Variants in DNAI2 observed in about 807,000 individuals in gnomAD.
The protein encoded by DNAI2 is dynein axonemal intermediate chain 2, also known as dynein, axonemal, intermediate polypeptide 2.
In DNAI2, 63 loss-of-function variants were observed where a neutral mutation model predicts 74.7. The observed-to-expected ratio is 0.84, with a 90% CI of 0.69 to 1.04. The LOEUF is 1.04. Among genes scored for constraint, DNAI2 ranks in the 50% least tolerant of loss-of-function variants. The pLI, the probability that DNAI2 is intolerant of heterozygous loss-of-function variation, is 0.00. For synonymous variants in DNAI2, 289 were observed against 314.9 expected, an observed-to-expected ratio of 0.92 and a Z score of 0.87; for missense variants, 688 against 803.2, an observed-to-expected ratio of 0.86 and a Z score of 1.73.
intron 6 of DNAI2, among the ~76,000 whole-genome samples, chr17:74,292,415 C>CTTTTTTT (rs56013644): frequency 2.7e-5 from 3 of 112,914 alleles, no homozygotes; most frequent in African/African-American, 1.0e-4. Flanking sequence ...TTTTCTTTTT[C>CTTTTTTT]TTTTTTTTTT....
At chr17:74,286,882 G>A in intron 3 of DNAI2, 95 bp from the exon 4 acceptor site, 4 of 1,549,374 alleles carry the variant, frequency 2.6e-6, no homozygotes, top group Non-Finnish European at 3.6e-6. Context: ...AAAAGCCCCT[G>A]GCTATGTCCT....
intron 11 of DNAI2, among the ~76,000 whole-genome samples, chr17:74,311,379 C>T (rs62063569): frequency 2.6e-5 from 4 of 151,970 alleles, no homozygotes; most frequent in African/African-American, 9.7e-5. Context: ...TTTGGGAGGC[C>T]GAGGCGGGCA....
intron 9 of DNAI2, chr17:74,307,340 T>C (rs1300665572): frequency 2.2e-6 from 1 of 455,604 alleles, no homozygotes; most frequent in South Asian, 1.6e-5. Flanking sequence ...GTCCTCCTCC[T>C]GCATAAGGTT....
At chr17:74,292,834 CTT>C (rs34852424) in intron 6 of DNAI2, among the ~76,000 whole-genome samples, 6 of 140,972 alleles carry the variant, frequency 4.3e-5, no homozygotes, top group Admixed American at 7.1e-5. Context: ...TGTAGTTTTC[CTT>C]TTTTTTTTTT....
chr17:74,314,187 G>A lies in DNAI2; in HGVS notation c.1789G>A (p.Asp597Asn). The change falls in exon 13 of 14, where the codon GAT (aspartate) becomes AAT (asparagine). Residue 597 changes from aspartate to asparagine, a missense_variant. Coordinates refer to ENST00000311014, the MANE Select transcript of DNAI2 (RefSeq NM_023036.6). Reference protein sequence around the residue: ...EGEEAAGEEGDEEVEEDLA With the variant: ...EGEEAAGEEGNEEVEEDLA ...AGAGGAAGCAGCGGGGGAAGAAGGGGATGAAGAAGTGGAAGAAGACTTAGC... is the reference window on the plus strand; with the variant it reads ...AGAGGAAGCAGCGGGGGAAGAAGGGAATGAAGAAGTGGAAGAAGACTTAGC... 6.2e-7 allele frequency: 1 copy of A among 1,614,208 alleles called. No homozygotes were observed. The highest frequency in any genetic ancestry group is 8.5e-7 in the Non-Finnish European group (1 of 1,180,020).
In DNAI2 at chr17:74,314,485, G is replaced by A. The variant is rs148599490; in HGVS notation, c.*56-104G>A. ...TGCCCCATTGTCTCAGCCACCCTGAGCCCACCCCAAGGCCGAGGCCACCTT... is the reference window on the plus strand; with the variant it reads ...TGCCCCATTGTCTCAGCCACCCTGAACCCACCCCAAGGCCGAGGCCACCTT... On this transcript the variant is annotated intron_variant, in intron 13 of 13. Coordinates refer to ENST00000311014, the MANE Select transcript of DNAI2 (RefSeq NM_023036.6). The A allele has an allele frequency of 6.8e-4, 349 of 513,436 alleles. 5 individuals carry two copies. Among genetic ancestry groups the A allele is most frequent in the African/African-American group, 5.9e-3 (305 of 51,270 alleles). The allele number at this position is 513,436 out of a possible 1,614,324, so 31.8% of individuals were successfully genotyped here. A position where few individuals can be genotyped will look rare whatever the true frequency, so the allele number is the denominator to read the frequency against.
At chr17:74,312,282 G>A (rs1307286990) in intron 12 of DNAI2, 52 bp downstream of exon 12, 1 of 535,762 alleles carries the variant, frequency 1.9e-6, no homozygotes, top group Admixed American at 2.3e-5. Flanking sequence ...GGGACACATG[G>A]CACTTGGGTT....
chr17:74,313,441 C>T (rs1036209419), intron 12 of DNAI2, among the ~76,000 whole-genome samples: 5 of 152,282 alleles, frequency 3.3e-5, no homozygotes, highest in South Asian at 4.1e-4. Flanking sequence ...TGGATTCTGA[C>T]GCCTAATCCA....
chr17:74,274,798 G>A (rs889422585), intron 1 of DNAI2, among the ~76,000 whole-genome samples: 2 of 152,206 alleles, frequency 1.3e-5, no homozygotes, highest in Non-Finnish European at 2.9e-5. Flanking sequence ...CTGCTAGGTG[G>A]CAGGTGTTTT....
chr17:74,283,916 T>G (rs1249917197), intron 2 of DNAI2, among the ~76,000 whole-genome samples: 1 of 151,914 alleles, frequency 6.6e-6, no homozygotes, highest in East Asian at 1.9e-4. Context: ...GGCCAGTGGA[T>G]CACCTGAGGT....
chr17:74,284,953 G>A lies in DNAI2; in HGVS notation c.184-87G>A. 5 of 1,573,528 alleles carry A rather than the reference G, an allele frequency of 3.2e-6. No homozygotes were observed. The South Asian group carries it at 3.3e-5, about 10-fold the overall frequency. The stretch of plus-strand genomic sequence containing the variant: ...GGCGCCTCAGCATCCAGCCCTGGGA[G>A]CCCCCGTGGGACCTGGCTTGCAGAA... On this transcript the variant is annotated intron_variant, in intron 2 of 13. Transcript: ENST00000311014.
At chr17:74,276,313 G>C (rs948375141) in intron 1 of DNAI2, among the ~76,000 whole-genome samples, 1 of 152,162 alleles carries the variant, frequency 6.6e-6, no homozygotes, top group African/African-American at 2.4e-5. Context: ...CTGATTCTGC[G>C]TGTTCCTGTG....
At chr17:74,303,259 A>G (rs12449500) in intron 8 of DNAI2, among the ~76,000 whole-genome samples, 74,265 of 151,964 alleles carry the variant, frequency 0.49, 19,805 homozygotes, top group Non-Finnish European at 0.63. Flanking sequence ...TGAGGCCCAG[A>G]GTGTCCACCT....
intron 1 of DNAI2, among the ~76,000 whole-genome samples, chr17:74,279,650 C>T (rs1013799577): frequency 2.0e-5 from 3 of 152,208 alleles, no homozygotes; most frequent in Non-Finnish European, 4.4e-5. Flanking sequence ...ACCTCAGCCT[C>T]CTGAGTAGCT....
chr17:74,285,009 G>A (rs2051626631), intron 2 of DNAI2, 31 bp from the exon 3 acceptor site: 1 of 1,613,742 alleles, frequency 6.2e-7, no homozygotes, highest in Non-Finnish European at 8.5e-7. Context: ...ATACCAGGGT[G>A]ACGTCTTCCC....
At chr17:74,296,380 GGAGA>G (rs61153755) in intron 6 of DNAI2, among the ~76,000 whole-genome samples, 10 of 137,022 alleles carry the variant, frequency 7.3e-5, no homozygotes, top group South Asian at 2.5e-4. Flanking sequence ...AGGGAGGGAG[GGAGA>G]GAGAGAGAGA....
At chr17:74,304,776 A>G (rs2053083868) in intron 8 of DNAI2, among the ~76,000 whole-genome samples, 1 of 152,276 alleles carries the variant, frequency 6.6e-6, no homozygotes, top group Non-Finnish European at 1.5e-5. Flanking sequence ...AGCCTGGACA[A>G]TGCTATGACA....
intron 12 of DNAI2, among the ~76,000 whole-genome samples, chr17:74,313,514 C>A (rs1567881916): frequency 1.3e-5 from 2 of 152,132 alleles, no homozygotes. Context: ...ATGACACTGG[C>A]CACCTTTTAC....
chr17:74,312,618 C>A (rs2053602340), intron 12 of DNAI2, among the ~76,000 whole-genome samples: 1 of 152,152 alleles, frequency 6.6e-6, no homozygotes, highest in Admixed American at 6.6e-5. Flanking sequence ...GAGGGAAGGG[C>A]TGGGACATTA....
Sources: gnomAD v4.1 joint callset for allele counts (sites outside exome capture counted in the v4.1 genomes callset) on GRCh38, gnomAD v4.1.1 for gene constraint, MANE v1.5 for transcripts, NCBI Gene and HGNC (gene_info 2026-07-23, HGNC 2026-07-21) for gene names.